ASAH2: variants seen among roughly 807,000 people sequenced by gnomAD.
ASAH2 encodes the protein N-acylsphingosine amidohydrolase 2, also known as neutral ceramidase.
In ASAH2, 58 loss-of-function variants were observed where a neutral mutation model predicts 82.9. The observed-to-expected ratio is 0.70, with a 90% CI of 0.57 to 0.87. The LOEUF is 0.87. ASAH2 is among the 40% of genes least tolerant of loss of function. The probability of loss-of-function intolerance (pLI) is 0.00; values close to 1 mark genes in which losing one functional copy is unlikely to be tolerated. For missense variants in ASAH2, 779 were observed against 834.0 expected (o/e 0.93, Z 0.81); for synonymous variants, 276 against 289.7 (o/e 0.95, Z 0.48).
At position 50,240,521 on chromosome 10, in the gene ASAH2, C is replaced by G. The variant is rs568859058; in HGVS notation, c.510+2681G>C. The G allele has an allele frequency of 5.3e-5, 37 of 702,284 alleles. No homozygotes were observed. The South Asian group carries it at 5.5e-4, about 10-fold the overall frequency. The allele number at this position is 702,284 out of a possible 1,614,324, so 43.5% of individuals were successfully genotyped here. On this transcript the variant is annotated intron_variant, in intron 4 of 20. Coordinates refer to ENST00000682911, the MANE Select transcript of ASAH2 (RefSeq NM_019893.4). ...ACAAAATGGTGTTTACATCACTCCG[C>G]CACTCAGAAGATTTCTCAGAGTCCA...
chr10:50,236,722 A>G (rs1398682), intron 4 of ASAH2, among the ~76,000 whole-genome samples: 121,055 of 152,072 alleles, frequency 0.8, 48,511 homozygotes, highest in Non-Finnish European at 0.84. Flanking sequence ...GAGCTACACA[A>G]GTATTGTTAA....
chr10:50,203,757 C>T lies in ASAH2; in HGVS notation c.1626-78G>A, dbSNP rs1156776610. ...TACACAGAAACACTGGCAGTGAAAGCCAAAAAATTACCCTGGCTCATCACA... is the reference window on the plus strand; with the variant it reads ...TACACAGAAACACTGGCAGTGAAAGTCAAAAAATTACCCTGGCTCATCACA... On this transcript the variant is annotated intron_variant, in intron 14 of 20. Coordinates refer to ENST00000682911, the MANE Select transcript of ASAH2 (RefSeq NM_019893.4). The T allele has an allele frequency of 3.3e-6, 4 of 1,225,370 alleles. No individual in the cohort carries two copies. In the African/African-American group the frequency reaches 4.5e-5, roughly 14 times the overall value. The allele number at this position is 1,225,370 out of a possible 1,614,324, so 75.9% of individuals were successfully genotyped here. A position where few individuals can be genotyped will look rare whatever the true frequency, so the allele number is the denominator to read the frequency against.
chr10:50,185,964 T>C lies in ASAH2; in HGVS notation c.*1351A>G, dbSNP rs1329810037. Reference sequence around the variant, plus strand: ...ATTTGCTTTGCAGTCTGGGAGGTTGTAGTTAACTTAAAGAATTTTAAATGC... The same window carrying C: ...ATTTGCTTTGCAGTCTGGGAGGTTGCAGTTAACTTAAAGAATTTTAAATGC... On this transcript the variant is annotated 3_prime_UTR_variant, in exon 21 of 21. Coordinates refer to ENST00000682911, the MANE Select transcript of ASAH2 (RefSeq NM_019893.4). 6.7e-6 allele frequency: 1 copy of C among 149,638 alleles called. No homozygotes were observed. The highest frequency in any genetic ancestry group is 1.9e-4 in the East Asian group (1 of 5,130). The allele number at this position is 149,638 out of a possible 1,614,324, so 9.3% of individuals were successfully genotyped here.
intron 18 of ASAH2, among the ~76,000 whole-genome samples, chr10:50,193,188 T>C (rs1451560798): frequency 6.7e-6 from 1 of 149,854 alleles, no homozygotes; most frequent in Non-Finnish European, 1.5e-5. Context: ...AAAAAATATA[T>C]ATTAAACAAT....
intron 7 of ASAH2, among the ~76,000 whole-genome samples, chr10:50,227,658 A>AT (rs1454124803): frequency 5.2e-3 from 798 of 152,204 alleles, no homozygotes; most frequent in Non-Finnish European, 8.3e-3. Flanking sequence ...AATCTCCCAG[A>AT]TTTTTTTCAG....
chr10:50,228,983 C>G (rs970647261), intron 7 of ASAH2, among the ~76,000 whole-genome samples: 4 of 152,118 alleles, frequency 2.6e-5, no homozygotes, highest in Admixed American at 1.3e-4. Flanking sequence ...AGAAATAAGT[C>G]GGCCTCCTCA....
Position 50,206,047 on chromosome 10 carries a change from C to T in ASAH2, c.1465G>A (p.Gly489Arg). Residue 489 changes from glycine (G) to arginine (R), a missense_variant, in exon 13 of 21, where the codon GGA (glycine) becomes AGA (arginine). This residue lies in a region of ASAH2 where 759 missense variants were observed against 755.2 expected (regional missense o/e 1.00). Coordinates refer to ENST00000682911, the MANE Select transcript of ASAH2 (RefSeq NM_019893.4). The part of the protein sequence containing the change: ...FWDTIRDQIL[G>R]KPSEEIKECH... ...TCTTTAATTTCTTCAGATGGCTTTC[C>T]CAGGATCTGGTCCCGAATGGTGTCC... 6.2e-7 allele frequency: 1 copy of T among 1,612,576 alleles called. No homozygotes were observed. The highest frequency in any genetic ancestry group is 8.5e-7 in the Non-Finnish European group (1 of 1,178,906).
chr10:50,250,042 G>A (rs988113192), intron 1 of ASAH2, among the ~76,000 whole-genome samples: 2 of 152,124 alleles, frequency 1.3e-5, no homozygotes, highest in African/African-American at 4.8e-5. Flanking sequence ...AGTTTATAAA[G>A]AGTTTACATT....
At chr10:50,208,708 A>T (rs923198541) in intron 12 of ASAH2, among the ~76,000 whole-genome samples, 3 of 152,198 alleles carry the variant, frequency 2.0e-5, no homozygotes, top group Non-Finnish European at 4.4e-5. Context: ...ATCAGATTAC[A>T]TAATATTGTT....
At chr10:50,209,652 C>T (rs1490280507) in intron 12 of ASAH2, among the ~76,000 whole-genome samples, 2 of 151,668 alleles carry the variant, frequency 1.3e-5, no homozygotes, top group African/African-American at 4.8e-5. Flanking sequence ...GATAAGGGAA[C>T]GTATACAGAA....
At position 50,210,808 on chromosome 10, in the gene ASAH2, T is replaced by C; in HGVS notation, c.1414+15A>G. 1.3e-6 allele frequency: 2 copies of C among 1,591,464 alleles called. No individual in the cohort carries two copies. Among genetic ancestry groups the C allele is most frequent in the East Asian group, 2.2e-5 (1 of 44,798 alleles). Reference sequence around the variant, plus strand: ...CAGAAGCTGAAACCATAGATTTTACTGGACTTCACCTTACCCTGTGTAAAA... The same window carrying C: ...CAGAAGCTGAAACCATAGATTTTACCGGACTTCACCTTACCCTGTGTAAAA... On this transcript the variant is annotated intron_variant, in intron 12 of 20. Transcript: ENST00000682911.
At chr10:50,239,498 C>T (rs1318890789) in intron 4 of ASAH2, among the ~76,000 whole-genome samples, 2 of 152,102 alleles carry the variant, frequency 1.3e-5, no homozygotes, top group Non-Finnish European at 2.9e-5. Flanking sequence ...TGCTAATGAC[C>T]GTACTATTTC....
chr10:50,226,115 G>A (rs1406586037), intron 7 of ASAH2, among the ~76,000 whole-genome samples: 1 of 151,612 alleles, frequency 6.6e-6, no homozygotes. Context: ...TGTTTATCAC[G>A]ATGTATTTTA....
At chr10:50,242,942 C>A (rs1022239335) in intron 4 of ASAH2, among the ~76,000 whole-genome samples, 3 of 152,088 alleles carry the variant, frequency 2.0e-5, no homozygotes, top group African/African-American at 7.2e-5. Context: ...TATAAGCTTT[C>A]AACAAAAACA....
intron 4 of ASAH2, among the ~76,000 whole-genome samples, chr10:50,242,166 A>G (rs770118738): frequency 1.8e-4 from 28 of 152,000 alleles, no homozygotes; most frequent in Non-Finnish European, 3.7e-4. Context: ...TTTCTTATAC[A>G]GAAAATGGAA....
chr10:50,248,539 T>C lies in ASAH2; in HGVS notation c.72A>G (p.Thr24=). The change falls in exon 2 of 21, where the codon ACA becomes ACG. Residue 24 remains threonine (T), a synonymous_variant. Coordinates refer to ENST00000682911, the MANE Select transcript of ASAH2 (RefSeq NM_019893.4). The stretch of plus-strand genomic sequence containing the variant: ...TAAACAAGAGGCTGAGAAGGGCCAC[T>C]GTGATGGCACTCATCATTACAAGGA... The part of the protein sequence containing the change: ...IFLLVMMSAI[T]VALLSLLFIT... 1.9e-6 allele frequency: 3 copies of C among 1,613,712 alleles called. No individual in the cohort carries two copies. The highest frequency in any genetic ancestry group is 2.2e-5 in the South Asian group (2 of 91,074).
At chr10:50,200,272 T>G (rs1354355543) in intron 16 of ASAH2, among the ~76,000 whole-genome samples, 2 of 151,142 alleles carry the variant, frequency 1.3e-5, no homozygotes, top group Non-Finnish European at 3.0e-5. Context: ...CCCCAAAGCC[T>G]TCCTTACTGA....
At chr10:50,194,387 C>A (rs1353199337) in intron 18 of ASAH2, among the ~76,000 whole-genome samples, 1 of 151,696 alleles carries the variant, frequency 6.6e-6, no homozygotes, top group African/African-American at 2.4e-5. Context: ...AAAGACAAAA[C>A]CACATTGTCA....
At chr10:50,221,694 GGATGGATA>G (rs1293207210) in intron 7 of ASAH2, among the ~76,000 whole-genome samples, 42 of 94,648 alleles carry the variant, frequency 4.4e-4, no homozygotes, top group African/African-American at 1.5e-3. Flanking sequence ...ATAGATAGAT[GGATGGATA>G]GATAGATAGA....
Sources: allele counts gnomAD v4.1 joint callset (sites outside exome capture counted in the v4.1 genomes callset), GRCh38; gene constraint gnomAD v4.1.1; regional missense constraint gnomAD v4.1.1; transcripts MANE v1.5; gene names NCBI Gene and HGNC (gene_info 2026-07-23, HGNC 2026-07-21).